Variants in ARHGAP24 observed in about 807,000 individuals in gnomAD.
ARHGAP24 encodes rho GTPase-activating protein 24.
In ARHGAP24, 50 loss-of-function variants were observed where a neutral mutation model predicts 76.4. That is an observed-to-expected ratio of 0.65 (90% CI 0.52 to 0.83). The LOEUF (loss-of-function observed/expected upper bound fraction) is 0.83, where lower values mean the gene tolerates loss of function less well. ARHGAP24 is among the 40% of genes least tolerant of loss of function. The pLI, the probability that ARHGAP24 is intolerant of heterozygous loss-of-function variation, is 0.00. For missense variants in ARHGAP24, 930 were observed against 914.2 expected, an observed-to-expected ratio of 1.02 and a Z score of -0.22; for synonymous variants, 345 against 323.3, an observed-to-expected ratio of 1.07 and a Z score of -0.72.
At chr4:85,725,027 G>A (rs1366352612) in intron 3 of ARHGAP24, among the ~76,000 whole-genome samples, 1 of 152,120 alleles carries the variant, frequency 6.6e-6, no homozygotes, top group Non-Finnish European at 1.5e-5. Flanking sequence ...CATGCAGTTG[G>A]TTTCTGCTTC....
intron 8 of ARHGAP24, among the ~76,000 whole-genome samples, chr4:85,988,555 G>C (rs7679822): frequency 2.7e-5 from 4 of 150,586 alleles, no homozygotes; most frequent in Non-Finnish European, 3.0e-5. Context: ...AATAAACTGA[G>C]GTATTAGGTA....
chr4:85,804,785 G>A (rs1728722265), intron 3 of ARHGAP24, among the ~76,000 whole-genome samples: 1 of 152,058 alleles, frequency 6.6e-6, no homozygotes, highest in African/African-American at 2.4e-5. Context: ...TTCTCTTGAA[G>A]ACATTAGCTG....
intron 2 of ARHGAP24, among the ~76,000 whole-genome samples, chr4:85,658,179 A>G: frequency 6.6e-6 from 1 of 152,176 alleles, no homozygotes. Flanking sequence ...TGAATAAAGT[A>G]TCTATAAACT....
At chr4:85,564,412 G>GCA (rs1252166129) in intron 1 of ARHGAP24, among the ~76,000 whole-genome samples, 7 of 144,534 alleles carry the variant, frequency 4.8e-5, no homozygotes, top group Admixed American at 2.0e-4. Flanking sequence ...GGGAGCGGGG[G>GCA]GGATAGCATT....
chr4:85,777,799 A>C (rs752451692), intron 3 of ARHGAP24, among the ~76,000 whole-genome samples: 1 of 152,198 alleles, frequency 6.6e-6, no homozygotes, highest in Non-Finnish European at 1.5e-5. Context: ...GAATGAATAC[A>C]TTTCAAAAAG....
intron 3 of ARHGAP24, among the ~76,000 whole-genome samples, chr4:85,849,723 T>C (rs1260921712): frequency 6.6e-6 from 1 of 152,214 alleles, no homozygotes; most frequent in Non-Finnish European, 1.5e-5. Flanking sequence ...TTTTTGTCTT[T>C]GGTTCTGTTT....
At chr4:85,669,871 G>GA (rs34951722) in intron 2 of ARHGAP24, among the ~76,000 whole-genome samples, 2 of 151,728 alleles carry the variant, frequency 1.3e-5, no homozygotes, top group African/African-American at 2.4e-5. Context: ...CAGCAATTCA[G>GA]AAAAAATAAA....
chr4:85,511,619 T>A (rs979777119), intron 1 of ARHGAP24, among the ~76,000 whole-genome samples: 1 of 152,020 alleles, frequency 6.6e-6, no homozygotes, highest in African/African-American at 2.4e-5. Flanking sequence ...TGCGCCACTA[T>A]GCCTGGCTAA....
At chr4:85,543,173 T>C (rs1725777369) in intron 1 of ARHGAP24, among the ~76,000 whole-genome samples, 1 of 152,112 alleles carries the variant, frequency 6.6e-6, no homozygotes, top group Non-Finnish European at 1.5e-5. Context: ...ATTGGAAAGG[T>C]ATATTGGGCT....
chr4:85,497,442 AATATATTATCTTC>A (rs1386151012), intron 1 of ARHGAP24, among the ~76,000 whole-genome samples: 1 of 152,214 alleles, frequency 6.6e-6, no homozygotes, highest in Non-Finnish European at 1.5e-5. Flanking sequence ...ATAAATGCAA[AATATATTATCTTC>A]TTGTCCACTG....
At chr4:85,865,806 A>G (rs1016726416) in intron 3 of ARHGAP24, among the ~76,000 whole-genome samples, 10 of 152,076 alleles carry the variant, frequency 6.6e-5, no homozygotes, top group Non-Finnish European at 1.5e-4. Context: ...ATGTTCAAGT[A>G]TGACACCATT....
chr4:85,675,909 C>T (rs146599637), intron 2 of ARHGAP24, among the ~76,000 whole-genome samples: 1 of 152,146 alleles, frequency 6.6e-6, no homozygotes, highest in African/African-American at 2.4e-5. Flanking sequence ...ATATCTGACT[C>T]CTGCCCTGGA....
intron 5 of ARHGAP24, among the ~76,000 whole-genome samples, chr4:85,946,456 G>A (rs1230327397): frequency 1.3e-5 from 2 of 152,148 alleles, no homozygotes; most frequent in Admixed American, 1.3e-4. Context: ...CCAATAGGCA[G>A]TTTATTTCAA....
intron 3 of ARHGAP24, among the ~76,000 whole-genome samples, chr4:85,792,646 A>C (rs1394783441): frequency 6.6e-6 from 1 of 151,974 alleles, no homozygotes; most frequent in East Asian, 1.9e-4. Context: ...ACTTCAGGCA[A>C]TTTCTCTCCT....
At chr4:85,886,318 T>A (rs1733566616) in intron 3 of ARHGAP24, among the ~76,000 whole-genome samples, 2 of 152,196 alleles carry the variant, frequency 1.3e-5, no homozygotes. Flanking sequence ...GTTACTTACC[T>A]GATTTAAGTG....
At chr4:85,495,496 G>T (rs1210740127) in intron 1 of ARHGAP24, among the ~76,000 whole-genome samples, 1 of 146,220 alleles carries the variant, frequency 6.8e-6, no homozygotes, top group Admixed American at 6.9e-5. Flanking sequence ...GACTACAGGC[G>T]CCCGCCACCA....
chr4:85,529,513 A>T (rs74569065), intron 1 of ARHGAP24, among the ~76,000 whole-genome samples: 1 of 152,026 alleles, frequency 6.6e-6, no homozygotes, highest in Non-Finnish European at 1.5e-5. Flanking sequence ...CCATTTAGAC[A>T]TTCTGAATTA....
At chr4:85,945,420 A>T (rs930747620) in intron 5 of ARHGAP24, among the ~76,000 whole-genome samples, 1 of 152,158 alleles carries the variant, frequency 6.6e-6, no homozygotes, top group Admixed American at 6.5e-5. Flanking sequence ...AAATAGTGCA[A>T]CGAGTGTAAA....
chr4:85,933,571 A>G (rs182924184), intron 4 of ARHGAP24, among the ~76,000 whole-genome samples: 1 of 152,334 alleles, frequency 6.6e-6, no homozygotes, highest in East Asian at 1.9e-4. Flanking sequence ...GGAACCAAGA[A>G]ACATCTATTA....
Sources: gnomAD v4.1 joint callset for allele counts (sites outside exome capture counted in the v4.1 genomes callset) on GRCh38, gnomAD v4.1.1 for gene constraint, MANE v1.5 for transcripts, NCBI Gene and HGNC (gene_info 2026-07-23, HGNC 2026-07-21) for gene names.